Variants in PDS5A observed in about 807,000 individuals in gnomAD.
The protein encoded by PDS5A is sister chromatid cohesion protein PDS5 homolog A.
PDS5A carries 42 observed loss-of-function variants against 167.1 expected under a neutral mutation model. The observed-to-expected ratio is 0.25, with a 90% CI of 0.20 to 0.33. PDS5A has a LOEUF of 0.33. PDS5A is among the 10% of genes least tolerant of loss of function. PDS5A has a pLI of 1.00. For synonymous variants in PDS5A, 553 were observed against 554.6 expected (o/e 1.00, Z 0.04); for missense variants, 1,033 against 1,605.9 (o/e 0.64, Z 6.10).
intron 17 of PDS5A, among the ~76,000 whole-genome samples, chr4:39,882,313 C>T (rs978117054): frequency 6.6e-6 from 1 of 152,156 alleles, no homozygotes; most frequent in African/African-American, 2.4e-5. Flanking sequence ...CCTTATATAG[C>T]CTGGATATAA....
At chr4:39,913,937 C>T (rs993622981) in intron 8 of PDS5A, among the ~76,000 whole-genome samples, 5 of 152,180 alleles carry the variant, frequency 3.3e-5, no homozygotes, top group Admixed American at 2.6e-4. Flanking sequence ...ACCCTCCCAA[C>T]TGCTAATTTA....
In PDS5A at chr4:39,976,529, C is replaced by T. The variant is rs747394399; in HGVS notation, c.49G>A (p.Val17Met). ...PKPATALCGV[V>M]SADGKIAYPP... Reference sequence around the variant, plus strand: ...TAAGCGATCTTCCCGTCGGCACTCACGACGCCACAGAGGGCAGTGGCAGGC... The same window carrying T: ...TAAGCGATCTTCCCGTCGGCACTCATGACGCCACAGAGGGCAGTGGCAGGC... The change falls in exon 2 of 33, where the codon GTG becomes ATG. Residue 17 changes from valine (V) to methionine (M), a missense_variant. Physicochemically the swap from Val to Met is conservative, Grantham distance 21 (BLOSUM62 1). This residue lies in a region of PDS5A where 388 missense variants were observed against 615.1 expected (regional missense o/e 0.63). Transcript: ENST00000303538. 67 of 1,613,356 alleles carry T rather than the reference C, an allele frequency of 4.2e-5. No homozygotes were observed. Among genetic ancestry groups the T allele is most frequent in the Admixed American group, 1.8e-4 (11 of 59,992 alleles).
At chr4:39,960,403 G>A (rs974084504) in intron 2 of PDS5A, among the ~76,000 whole-genome samples, 4 of 152,228 alleles carry the variant, frequency 2.6e-5, no homozygotes, top group African/African-American at 4.8e-5. Context: ...TCTGGGTCTA[G>A]GCACAATTGT....
chr4:39,902,103 T>C (rs1722932237), intron 13 of PDS5A, among the ~76,000 whole-genome samples: 1 of 152,214 alleles, frequency 6.6e-6, no homozygotes, highest in Admixed American at 6.5e-5. Context: ...CACAGGTATT[T>C]TGACGTGGTC....
chr4:39,926,593 T>C (rs1330050388), intron 4 of PDS5A, among the ~76,000 whole-genome samples, 182 bp downstream of exon 4: 2 of 151,512 alleles, frequency 1.3e-5, no homozygotes, highest in Non-Finnish European at 2.9e-5. Flanking sequence ...TCCATCAGAA[T>C]ATACTTTATC....
intron 32 of PDS5A, among the ~76,000 whole-genome samples, chr4:39,833,763 A>G (rs985781793): frequency 2.6e-5 from 4 of 152,158 alleles, no homozygotes; most frequent in Non-Finnish European, 5.9e-5. Context: ...GGGGAAAAAA[A>G]TTCATCTTGT....
intron 4 of PDS5A, 57 bp from the exon 5 acceptor site, chr4:39,925,990 T>TA (rs888944220): frequency 7.4e-5 from 37 of 503,182 alleles, no homozygotes; most frequent in Non-Finnish European, 9.6e-6. Flanking sequence ...AGTTATATAA[T>TA]AAAAAACTCA....
chr4:39,841,144 T>A (rs1197465613), intron 31 of PDS5A, among the ~76,000 whole-genome samples: 1 of 152,174 alleles, frequency 6.6e-6, no homozygotes, highest in African/African-American at 2.4e-5. Context: ...TCAAAAACTC[T>A]CAATTCCTTT....
intron 17 of PDS5A, among the ~76,000 whole-genome samples, chr4:39,885,293 GGAGAA>G (rs141183753): frequency 0.031 from 4,583 of 146,582 alleles, 216 homozygotes; most frequent in African/African-American, 0.11. Context: ...ACAAAAGAAA[GGAGAA>G]GAGAAGAGAA....
At chr4:39,863,576 T>C in intron 23 of PDS5A, 117 bp from the exon 24 acceptor site, 1 of 638,854 alleles carries the variant, frequency 1.6e-6, no homozygotes, top group South Asian at 2.4e-5. Flanking sequence ...TAAAATGACG[T>C]ACAAATATGG....
chr4:39,947,010 G>A (rs1727835545), intron 2 of PDS5A, among the ~76,000 whole-genome samples: 1 of 151,828 alleles, frequency 6.6e-6, no homozygotes, highest in Non-Finnish European at 1.5e-5. Flanking sequence ...AGGGGATGAG[G>A]TGAGGGGAAT....
intron 26 of PDS5A, 120 bp from the exon 27 acceptor site, chr4:39,849,772 T>A (rs1051285631): frequency 1.6e-6 from 1 of 611,688 alleles, no homozygotes. Context: ...TCAACCTTAA[T>A]GACTAATATA....
chr4:39,840,598 G>A (rs987793390), intron 31 of PDS5A, among the ~76,000 whole-genome samples: 2 of 152,126 alleles, frequency 1.3e-5, no homozygotes, highest in Non-Finnish European at 2.9e-5. Flanking sequence ...TTTTCACCAC[G>A]TTGGCCAGGC....
chr4:39,870,531 T>A (rs1016018449), intron 21 of PDS5A, among the ~76,000 whole-genome samples: 7 of 152,084 alleles, frequency 4.6e-5, no homozygotes, highest in African/African-American at 1.7e-4. Context: ...GAGGTTGTGA[T>A]GAGCCAAGGT....
At chr4:39,872,262 T>TGA (rs1414488427) in intron 21 of PDS5A, among the ~76,000 whole-genome samples, 1 of 149,676 alleles carries the variant, frequency 6.7e-6, no homozygotes, top group Admixed American at 6.8e-5. Context: ...CTGCAACCTC[T>TGA]GCCTTCTGGG....
intron 2 of PDS5A, chr4:39,932,647 AT>A (rs1407920322): frequency 6.5e-6 from 1 of 153,134 alleles, no homozygotes; most frequent in African/African-American, 2.4e-5. Context: ...CCTGACCAAC[AT>A]GGTGAAACCC....
Position 39,872,992 on chromosome 4 carries a change from A to T in PDS5A, c.2430T>A (p.Asn810Lys), listed in dbSNP as rs563189311. ...ANFIVKDLLM[N>K]DRSTGEKNGK... is the part of the protein sequence containing the mutation. ...AATTAAATGAGAAACTTACCCTGTC[A>T]TTCATTAGCAGATCTTTCACAATAA... Residue 810 changes from asparagine (N) to lysine (K), a missense_variant, in exon 21 of 33, where the codon AAT becomes AAA. Asn to Lys is a moderately conservative substitution (Grantham distance 94). Coordinates refer to ENST00000303538, the MANE Select transcript of PDS5A (RefSeq NM_001100399.2). 6.7e-7 allele frequency: 1 copy of T among 1,495,626 alleles called. No individual in the cohort carries two copies. Among genetic ancestry groups the T allele is most frequent in the East Asian group, 2.4e-5 (1 of 42,172 alleles). The allele number at this position is 1,495,626 out of a possible 1,614,324, so 92.6% of individuals were successfully genotyped here. A position where few individuals can be genotyped will look rare whatever the true frequency, so the allele number is the denominator to read the frequency against.
rs78637433 is a variant in PDS5A, at chr4:39,870,660, A to G, written c.2437-1198T>C. 4.1e-3 allele frequency among the ~76,000 whole-genome samples: 627 copies of G among 152,246 alleles called. 3 individuals carry two copies. The highest frequency in any genetic ancestry group is 0.015 in the African/African-American group (606 of 41,560). On this transcript the variant is annotated intron_variant, in intron 21 of 32. Transcript: ENST00000303538. Reference sequence around the variant, plus strand: ...AGGAATTTAATACACAGCTCTCCAAAGAAGATATACAGGTAGTCAATAAGC... The same window carrying G: ...AGGAATTTAATACACAGCTCTCCAAGGAAGATATACAGGTAGTCAATAAGC...
chr4:39,842,909 T>TTATATATATATATATATATATATG (rs1553888363), intron 30 of PDS5A, among the ~76,000 whole-genome samples: 3 of 92,302 alleles, frequency 3.3e-5, no homozygotes, highest in African/African-American at 1.6e-4. Flanking sequence ...TATCCTATTT[T>TTATATATATATATATATATATATG]TATATATATA....
Sources: gnomAD v4.1 joint callset for allele counts (sites outside exome capture counted in the v4.1 genomes callset) on GRCh38, gnomAD v4.1.1 for gene constraint, gnomAD v4.1.1 regional missense constraint, MANE v1.5 for transcripts, NCBI Gene and HGNC (gene_info 2026-07-23, HGNC 2026-07-21) for gene names.